Variants in FHOD3 observed in about 807,000 individuals in gnomAD.
FHOD3 encodes formin homology 2 domain containing 3.
A neutral mutation model predicts 173.0 loss-of-function variants in FHOD3; 90 were observed. The observed-to-expected ratio is 0.52, with a 90% CI of 0.44 to 0.62. The LOEUF (loss-of-function observed/expected upper bound fraction) is 0.62, where lower values mean the gene tolerates loss of function less well. Among genes scored for constraint, FHOD3 ranks in the 20% least tolerant of loss-of-function variants. FHOD3 has a pLI of 0.00. For synonymous variants in FHOD3, 828 were observed against 823.0 expected (o/e 1.01, Z -0.10); for missense variants, 1,945 against 2,034.7 (o/e 0.96, Z 0.85).
At chr18:36,711,006 C>T (rs2040142938) in intron 18 of FHOD3, 1 of 152,136 alleles carries the variant, frequency 6.6e-6, no homozygotes, top group Admixed American at 6.6e-5. Context: ...AATATTCTTC[C>T]AAAGAAGGAC....
At position 36,652,838 on chromosome 18, in the gene FHOD3, C is replaced by G. The variant is rs1235962318; in HGVS notation, c.1555C>G (p.Pro519Ala). 82 of 1,535,884 alleles carry G rather than the reference C, an allele frequency of 5.3e-5. No individual in the cohort carries two copies. Among genetic ancestry groups the G allele is most frequent in the Non-Finnish European group, 7.1e-5 (81 of 1,146,740 alleles). Residue 519 changes from proline to alanine, a missense_variant, in exon 12 of 29, where the codon CCC (proline) becomes GCC (alanine). Pro to Ala is a conservative substitution (Grantham distance 27). Transcript: ENST00000590592. The stretch of plus-strand genomic sequence containing the variant: ...GACCATAGACAAGCTGCCCTACGTG[C>G]CCCACAGCCCCTTCCACCTCTTCTC... ...SPTIDKLPYV[P>A]HSPFHLFSYD...
intron 3 of FHOD3, among the ~76,000 whole-genome samples, chr18:36,462,809 T>G (rs371218799): frequency 6.6e-6 from 1 of 152,178 alleles, no homozygotes; most frequent in Non-Finnish European, 1.5e-5. Context: ...ATATATTTCA[T>G]AGAGATGGGA....
intron 3 of FHOD3, among the ~76,000 whole-genome samples, chr18:36,413,458 G>T (rs2049462025): frequency 6.6e-6 from 1 of 152,190 alleles, no homozygotes. Flanking sequence ...GTGAGCTGAG[G>T]TCAGGCCTGC....
At chr18:36,494,923 C>T (rs569311708) in intron 3 of FHOD3, among the ~76,000 whole-genome samples, 1 of 152,260 alleles carries the variant, frequency 6.6e-6, no homozygotes, top group Admixed American at 6.5e-5. Flanking sequence ...TTCCCTATGT[C>T]AGACGTCATG....
intron 5 of FHOD3, among the ~76,000 whole-genome samples, chr18:36,570,786 G>A (rs1167956582): frequency 6.6e-6 from 1 of 152,110 alleles, no homozygotes; most frequent in African/African-American, 2.4e-5. Flanking sequence ...ATCAGTTGAT[G>A]TAGAAGAAGC....
chr18:36,595,890 ACTTTTT>A (rs1181652311), intron 7 of FHOD3, among the ~76,000 whole-genome samples: 5 of 152,216 alleles, frequency 3.3e-5, no homozygotes, highest in African/African-American at 1.2e-4. Context: ...ACTTGACAAT[ACTTTTT>A]CTTTTTATGA....
At chr18:36,776,898 C>T (rs989269507) in intron 28 of FHOD3, among the ~76,000 whole-genome samples, 3 of 152,200 alleles carry the variant, frequency 2.0e-5, no homozygotes, top group East Asian at 1.9e-4. Flanking sequence ...GCTCAATGTC[C>T]GAAGCTATTA....
chr18:36,660,972 A>T (rs558211489), intron 14 of FHOD3, among the ~76,000 whole-genome samples: 139 of 152,306 alleles, frequency 9.1e-4, no homozygotes, highest in African/African-American at 3.2e-3. Flanking sequence ...CACCTCCTTT[A>T]CATTTGCTTG....
chr18:36,463,734 A>C (rs1424942605), intron 3 of FHOD3, among the ~76,000 whole-genome samples: 2 of 152,158 alleles, frequency 1.3e-5, no homozygotes, highest in East Asian at 1.9e-4. Context: ...GTGCTTAAGC[A>C]ATCTGCCCGC....
chr18:36,477,212 A>C (rs2145337788), intron 3 of FHOD3, among the ~76,000 whole-genome samples: 1 of 152,244 alleles, frequency 6.6e-6, no homozygotes, highest in Admixed American at 6.5e-5. Context: ...TAGTTGGGGC[A>C]GGAGGGAGAT....
chr18:36,471,305 TC>T (rs2053270964), intron 3 of FHOD3, among the ~76,000 whole-genome samples: 2 of 152,166 alleles, frequency 1.3e-5, no homozygotes, highest in South Asian at 4.1e-4. Context: ...ACACCCCAGC[TC>T]TGGGTCCTGC....
intron 3 of FHOD3, among the ~76,000 whole-genome samples, chr18:36,457,983 G>T (rs892953930): frequency 2.0e-5 from 3 of 152,174 alleles, no homozygotes; most frequent in Non-Finnish European, 2.9e-5. Flanking sequence ...GTAAATTCTG[G>T]AGTCCCCAAG....
chr18:36,769,589 C>T lies in FHOD3; in HGVS notation c.4786+163C>T, dbSNP rs192043126. Among the ~76,000 whole-genome samples, 602 of 152,246 alleles carry T rather than the reference C, an allele frequency of 4.0e-3. 3 individuals carry two copies. Among genetic ancestry groups the T allele is most frequent in the African/African-American group, 0.013 (558 of 41,544 alleles). On this transcript the variant is annotated intron_variant, in intron 28 of 28. Coordinates refer to ENST00000590592, the MANE Select transcript of FHOD3 (RefSeq NM_001281740.3). ...AGAAAGTTTCAGGGTTGGCTGTTGA[C>T]GTTGGCCATTGTGGAGGAGGGGAGC...
chr18:36,510,987 T>A (rs576896164), intron 4 of FHOD3, among the ~76,000 whole-genome samples: 71 of 152,202 alleles, frequency 4.7e-4, no homozygotes, highest in Admixed American at 9.2e-4. Context: ...AATTGAAAAA[T>A]GCCATAAAAA....
intron 25 of FHOD3, among the ~76,000 whole-genome samples, chr18:36,756,999 A>T (rs530759228): frequency 9.8e-5 from 15 of 152,294 alleles, no homozygotes; most frequent in Middle Eastern, 3.4e-3. Context: ...TTGAAAGTTT[A>T]AAAAAAGAGA....
intron 3 of FHOD3, among the ~76,000 whole-genome samples, chr18:36,482,858 C>CACAGAGAGAGAGAGAG (rs1400178557): frequency 7.7e-6 from 1 of 130,374 alleles, no homozygotes; most frequent in African/African-American, 3.1e-5. Context: ...CACACACACA[C>CACAGAGAGAGAGAGAG]AGAGAGAGAG....
chr18:36,533,066 C>T (rs1016753133), intron 5 of FHOD3, among the ~76,000 whole-genome samples: 1 of 152,188 alleles, frequency 6.6e-6, no homozygotes, highest in African/African-American at 2.4e-5. Flanking sequence ...CAATATTATG[C>T]TTCCTCGAGG....
At chr18:36,316,811 T>G (rs1466390032) in intron 1 of FHOD3, among the ~76,000 whole-genome samples, 1 of 152,140 alleles carries the variant, frequency 6.6e-6, no homozygotes. Context: ...CCATGTTGGT[T>G]TGCTGCACCC....
intron 1 of FHOD3, among the ~76,000 whole-genome samples, chr18:36,337,174 A>G (rs964608780): frequency 1.1e-4 from 17 of 151,234 alleles, no homozygotes; most frequent in East Asian, 3.9e-4. Context: ...TCTGTCTCAA[A>G]AAAAAAAAAA....
Sources: gnomAD v4.1 joint callset for allele counts (sites outside exome capture counted in the v4.1 genomes callset) on GRCh38, gnomAD v4.1.1 for gene constraint, MANE v1.5 for transcripts, NCBI Gene and HGNC (gene_info 2026-07-23, HGNC 2026-07-21) for gene names.